KCNN2: variants seen among roughly 807,000 people sequenced by gnomAD.
The protein encoded by KCNN2 is small conductance calcium-activated potassium channel protein 2.
Under a neutral mutation model 55.5 loss-of-function variants are expected in KCNN2, and 24 were observed. The ratio of observed to expected loss-of-function variants is 0.43; its 90% confidence interval spans 0.31 to 0.61. KCNN2 has a LOEUF of 0.61. KCNN2 is among the 20% of genes least tolerant of loss of function. KCNN2 has a pLI of 0.08. For synonymous variants in KCNN2, 431 were observed against 336.1 expected, an observed-to-expected ratio of 1.28 and a Z score of -3.09; for missense variants, 754 against 853.6, an observed-to-expected ratio of 0.88 and a Z score of 1.45.
intron 1 of KCNN2, among the ~76,000 whole-genome samples, chr5:114,152,511 G>T (rs896704311): frequency 6.6e-6 from 1 of 152,254 alleles, no homozygotes. Context: ...TATTTGAAGG[G>T]TGTTTTATTT....
intron 1 of KCNN2, among the ~76,000 whole-genome samples, chr5:114,196,243 T>A (rs1251850656): frequency 6.6e-6 from 1 of 152,036 alleles, no homozygotes; most frequent in Non-Finnish European, 1.5e-5. Flanking sequence ...ACTGGTTTTT[T>A]TAATGTGTGT....
intron 2 of KCNN2, among the ~76,000 whole-genome samples, chr5:114,302,089 T>C (rs1242045785): frequency 6.6e-6 from 1 of 152,218 alleles, no homozygotes; most frequent in East Asian, 1.9e-4. Context: ...GGAAAGTATC[T>C]ATTAGAACTA....
At chr5:114,445,178 G>T (rs1236562563) in intron 3 of KCNN2, among the ~76,000 whole-genome samples, 1 of 152,098 alleles carries the variant, frequency 6.6e-6, no homozygotes, top group Non-Finnish European at 1.5e-5. Context: ...TTCTAGGAAG[G>T]GCAGCTGGCC....
At chr5:114,355,702 G>A (rs976344322) in intron 2 of KCNN2, among the ~76,000 whole-genome samples, 1 of 151,688 alleles carries the variant, frequency 6.6e-6, no homozygotes, top group Non-Finnish European at 1.5e-5. Context: ...CTGCAGACAA[G>A]TTCCTCTGAG....
intron 1 of KCNN2, among the ~76,000 whole-genome samples, chr5:114,145,943 G>A (rs1437938471): frequency 2.0e-5 from 3 of 152,014 alleles, no homozygotes; most frequent in African/African-American, 7.2e-5. Flanking sequence ...GGATGTGCTA[G>A]TTGTTTCCTG....
chr5:114,153,581 C>T (rs560675532), intron 1 of KCNN2, among the ~76,000 whole-genome samples: 1 of 152,296 alleles, frequency 6.6e-6, no homozygotes, highest in Non-Finnish European at 1.5e-5. Flanking sequence ...GTCCACAAGG[C>T]ACTGTGAGAA....
intron 2 of KCNN2, among the ~76,000 whole-genome samples, chr5:114,281,576 C>T (rs1431905848): frequency 2.2e-5 from 3 of 137,388 alleles, no homozygotes; most frequent in East Asian, 4.2e-4. Flanking sequence ...TCTCCTTTCT[C>T]TCTTGTCAAT....
chr5:114,374,684 A>C (rs561818486), intron 2 of KCNN2, among the ~76,000 whole-genome samples: 5 of 152,296 alleles, frequency 3.3e-5, no homozygotes, highest in Non-Finnish European at 7.4e-5. Flanking sequence ...CTTTGTTTAG[A>C]ATAAGGTGTT....
At chr5:114,132,589 A>G (rs1483409862) in intron 1 of KCNN2, among the ~76,000 whole-genome samples, 4 of 152,210 alleles carry the variant, frequency 2.6e-5, no homozygotes, top group Admixed American at 2.6e-4. Flanking sequence ...TATAATTTTT[A>G]ACATCTAACA....
chr5:114,233,334 A>T (rs1052439068), intron 2 of KCNN2, among the ~76,000 whole-genome samples: 4 of 152,138 alleles, frequency 2.6e-5, no homozygotes, highest in Non-Finnish European at 5.9e-5. Context: ...TGCGTATTTG[A>T]TTATGTTTTA....
chr5:114,406,706 A>G (rs1014532429), intron 3 of KCNN2, among the ~76,000 whole-genome samples: 9 of 152,170 alleles, frequency 5.9e-5, no homozygotes, highest in African/African-American at 2.2e-4. Flanking sequence ...GACTCTTGGA[A>G]CATTCTGACT....
chr5:114,289,081 A>G (rs1432453467), intron 2 of KCNN2, among the ~76,000 whole-genome samples: 1 of 152,134 alleles, frequency 6.6e-6, no homozygotes, highest in African/African-American at 2.4e-5. Context: ...TTTTACCAGC[A>G]CCATTTGTTG....
chr5:114,451,404 G>A (rs180711682), intron 3 of KCNN2, among the ~76,000 whole-genome samples: 185 of 152,160 alleles, frequency 1.2e-3, no homozygotes, highest in African/African-American at 4.1e-3. Flanking sequence ...AAAAGAAACC[G>A]GACATTTTAC....
At chr5:114,451,572 A>G (rs1267466146) in intron 3 of KCNN2, among the ~76,000 whole-genome samples, 1 of 152,184 alleles carries the variant, frequency 6.6e-6, no homozygotes, top group Non-Finnish European at 1.5e-5. Context: ...TCACTTTGGC[A>G]TTTTAGAGTC....
At chr5:114,353,701 G>A (rs1158792827) in intron 2 of KCNN2, among the ~76,000 whole-genome samples, 3 of 151,776 alleles carry the variant, frequency 2.0e-5, no homozygotes, top group Non-Finnish European at 4.4e-5. Context: ...GTTTGTTAAC[G>A]TTACTAAATA....
At chr5:114,162,953 G>T (rs554043977) in intron 1 of KCNN2, among the ~76,000 whole-genome samples, 3 of 152,138 alleles carry the variant, frequency 2.0e-5, no homozygotes, top group Admixed American at 6.6e-5. Flanking sequence ...CACTTCCCGG[G>T]TGAGGCGATG....
intron 1 of KCNN2, among the ~76,000 whole-genome samples, chr5:114,218,313 A>T (rs978629442): frequency 1.3e-5 from 2 of 152,230 alleles, no homozygotes; most frequent in African/African-American, 4.8e-5. Flanking sequence ...ATTCGTTCAT[A>T]ATTGCCCAAA....
At position 114,362,421 on chromosome 5, in the gene KCNN2, G is replaced by T. The variant is rs1013675472; in HGVS notation, c.282G>T (p.Ser94=). 2 of 320,510 alleles carry T rather than the reference G, an allele frequency of 6.2e-6. No homozygotes were observed. Among genetic ancestry groups the T allele is most frequent in the South Asian group, 6.3e-5 (1 of 15,848 alleles). The allele number at this position is 320,510 out of a possible 1,614,324, so 19.9% of individuals were successfully genotyped here. A position where few individuals can be genotyped will look rare whatever the true frequency, so the allele number is the denominator to read the frequency against. ...DNLSLLLRTS[S]PGGAFRTRTS... ...TGTCCCTGCTGCTCCGCACCTCCTC[G>T]CCCGGCGGCGCCTTCCGGACCCGCA... Residue 94 remains serine (S), a synonymous_variant, in exon 1 of 8, where the codon TCG becomes TCT. Transcript: ENST00000673685.
intron 2 of KCNN2, among the ~76,000 whole-genome samples, chr5:114,223,557 G>A (rs1452560564): frequency 6.6e-6 from 1 of 152,140 alleles, no homozygotes; most frequent in East Asian, 1.9e-4. Context: ...AATAGACAGG[G>A]AAGTGTATTT....
Sources: gnomAD v4.1 joint callset for allele counts (sites outside exome capture counted in the v4.1 genomes callset) on GRCh38, gnomAD v4.1.1 for gene constraint, MANE v1.5 for transcripts, NCBI Gene and HGNC (gene_info 2026-07-23, HGNC 2026-07-21) for gene names.